PDE1C: variants seen among roughly 807,000 people sequenced by gnomAD.
The protein encoded by PDE1C is phosphodiesterase 1C, also known as dual specificity calcium/calmodulin-dependent 3',5'-cyclic nucleotide phosphodiesterase 1C.
A neutral mutation model predicts 93.1 loss-of-function variants in PDE1C; 62 were observed. That is an observed-to-expected ratio of 0.67 (90% CI 0.54 to 0.82). The LOEUF is 0.82. Ranked by LOEUF, PDE1C falls within the 40% of genes least tolerant of loss-of-function variation. The pLI is 0.00. For synonymous variants in PDE1C, 325 were observed against 310.1 expected, an observed-to-expected ratio of 1.05 and a Z score of -0.50; for missense variants, 742 against 884.6, an observed-to-expected ratio of 0.84 and a Z score of 2.04.
the PDE1C span, among the ~76,000 whole-genome samples, chr7:31,721,433 GTTTAA>G: frequency 1.3e-5 from 2 of 152,116 alleles, no homozygotes; most frequent in Non-Finnish European, 1.5e-5. Flanking sequence ...GGAACTAAAG[GTTTAA>G]TTTATTTAAT....
intron 2 of PDE1C, among the ~76,000 whole-genome samples, chr7:32,182,310 T>C (rs1803501418): frequency 6.6e-6 from 1 of 152,334 alleles, no homozygotes; most frequent in East Asian, 1.9e-4. Context: ...GAAGCCAGCA[T>C]TATCCTGATA....
intron 1 of PDE1C, among the ~76,000 whole-genome samples, chr7:32,343,001 A>G (rs1243239470): frequency 6.6e-6 from 1 of 152,200 alleles, no homozygotes; most frequent in African/African-American, 2.4e-5. Flanking sequence ...CTCAGTTGGT[A>G]CAGGCATTTC....
intron 2 of PDE1C, among the ~76,000 whole-genome samples, chr7:31,895,990 C>CA (rs1353527772): frequency 4.3e-5 from 6 of 140,918 alleles, no homozygotes; most frequent in African/African-American, 1.3e-4. Context: ...TACACTCTCC[C>CA]TTACATACAT....
rs1459062444 is a variant in PDE1C, at chr7:31,872,999, C to A, written c.609+293G>T. ...GTCATGTGGAAATGAGACCTTTGGG[C>A]AGAGCCTGAAAGGGAGCTTGGTTAT... On this transcript the variant is annotated intron_variant, in intron 6 of 17. Transcript: ENST00000396191. Among the ~76,000 whole-genome samples, 4 of 152,100 alleles carry A rather than the reference C, an allele frequency of 2.6e-5. No individual in the cohort carries two copies. In the East Asian group the frequency reaches 7.7e-4, roughly 29 times the overall value.
intron 1 of PDE1C, among the ~76,000 whole-genome samples, chr7:32,305,723 G>A (rs188704188): frequency 6.6e-6 from 1 of 152,178 alleles, no homozygotes; most frequent in East Asian, 1.9e-4. Context: ...CATTCCTTGG[G>A]CCCAACTCAC....
chr7:32,101,879 C>T (rs1342062125), intron 3 of PDE1C, among the ~76,000 whole-genome samples: 3 of 152,054 alleles, frequency 2.0e-5, no homozygotes, highest in East Asian at 1.9e-4. Context: ...AGGAAAGTTA[C>T]AATCATGATG....
Position 31,782,240 on chromosome 7 carries a change from C to A in PDE1C, c.1892-6508G>T, listed in dbSNP as rs148135968. 4.5e-3 allele frequency among the ~76,000 whole-genome samples: 670 copies of A among 150,168 alleles called. 2 individuals carry two copies. The highest frequency in any genetic ancestry group is 0.016 in the African/African-American group (645 of 41,194). On this transcript the variant is annotated intron_variant, in intron 16 of 17. Transcript: ENST00000396191. Reference sequence around the variant, plus strand: ...AAAAACACTCACAAGAAAATGCTTACAATCCAATGTTGTGTGAACAAACCA... The same window carrying A: ...AAAAACACTCACAAGAAAATGCTTAAAATCCAATGTTGTGTGAACAAACCA...
Position 31,880,134 on chromosome 7 carries a change from T to C in PDE1C, c.242+613A>G, listed in dbSNP as rs576962756. Among the ~76,000 whole-genome samples the C allele has an allele frequency of 1.7e-3, 251 of 152,004 alleles. 2 individuals carry two copies. Among genetic ancestry groups the C allele is most frequent in the Admixed American group, 2.8e-3 (43 of 15,290 alleles). The stretch of plus-strand genomic sequence containing the variant: ...ATACTGACAGAGAAGCCTGTCTAAA[T>C]TAGGGGGAAAAAAAACCACACCTTT... On this transcript the variant is annotated intron_variant, in intron 3 of 17. Coordinates refer to ENST00000396191, the MANE Select transcript of PDE1C (RefSeq NM_001191057.4).
intron 3 of PDE1C, among the ~76,000 whole-genome samples, chr7:32,086,067 C>G (rs946385957): frequency 2.6e-5 from 4 of 151,206 alleles, no homozygotes; most frequent in Non-Finnish European, 5.9e-5. Flanking sequence ...TCAAATTGTC[C>G]CTGTTTGCAG....
chr7:32,275,978 TTTAA>T (rs1343923559), intron 1 of PDE1C, among the ~76,000 whole-genome samples: 1 of 152,240 alleles, frequency 6.6e-6, no homozygotes, highest in Non-Finnish European at 1.5e-5. Context: ...GTTGGCATAC[TTTAA>T]TTATGAACTG....
chr7:31,891,852 A>G (rs1298003938), intron 2 of PDE1C, among the ~76,000 whole-genome samples: 3 of 151,734 alleles, frequency 2.0e-5, no homozygotes, highest in East Asian at 1.9e-4. Flanking sequence ...GAGTACAATA[A>G]AACTGGAGGG....
Position 31,824,965 on chromosome 7 carries a change from T to A in PDE1C, c.1308A>T (p.Glu436Asp). The A allele has an allele frequency of 6.2e-7, 1 of 1,613,212 alleles. No homozygotes were observed. Among genetic ancestry groups the A allele is most frequent in the South Asian group, 1.1e-5 (1 of 91,044 alleles). The change falls in exon 13 of 18, where the codon GAA becomes GAT. Residue 436 changes from glutamate (E) to aspartate (D), a missense_variant. Physicochemically the swap from Glu to Asp is conservative, Grantham distance 45 (BLOSUM62 2). Around this residue, in one of 4 missense-constraint regions of PDE1C, gnomAD observed 454 missense variants for 459.4 expected, o/e 0.99. Transcript: ENST00000396191. ...TGTCCGTAAGCACAGTGAAGGTGGG[T>A]TCCACGATGAAATCAATGAAACCTG... ...SQVGFIDFIV[E>D]PTFTVLTDMT...
chr7:32,402,969 G>C (rs1296740090), intron 1 of PDE1C, among the ~76,000 whole-genome samples: 1 of 152,166 alleles, frequency 6.6e-6, no homozygotes, highest in African/African-American at 2.4e-5. Context: ...GTTAGTGTGT[G>C]CCCTGCCTGT....
At chr7:32,166,707 T>C (rs975502685) in intron 3 of PDE1C, among the ~76,000 whole-genome samples, 1 of 152,206 alleles carries the variant, frequency 6.6e-6, no homozygotes, top group African/African-American at 2.4e-5. Context: ...TCTGGCATTA[T>C]TAGTAACTGA....
intron 2 of PDE1C, among the ~76,000 whole-genome samples, chr7:32,180,797 T>G (rs1056242608): frequency 6.6e-6 from 1 of 152,240 alleles, no homozygotes; most frequent in Admixed American, 6.5e-5. Flanking sequence ...CTATGTGGAA[T>G]TGTAATATAA....
At chr7:32,087,291 C>A (rs1797154609) in intron 3 of PDE1C, among the ~76,000 whole-genome samples, 1 of 151,244 alleles carries the variant, frequency 6.6e-6, no homozygotes, top group Non-Finnish European at 1.5e-5. Context: ...CAAATCAAAA[C>A]CACAATGAGA....
At chr7:32,129,026 C>T (rs1360722231) in intron 3 of PDE1C, among the ~76,000 whole-genome samples, 1 of 138,912 alleles carries the variant, frequency 7.2e-6, no homozygotes, top group Non-Finnish European at 1.6e-5. Flanking sequence ...GTTTATAAAA[C>T]AATATAATTT....
chr7:32,248,292 T>TAGAGTGG (rs1204400867), intron 1 of PDE1C, among the ~76,000 whole-genome samples: 2 of 152,034 alleles, frequency 1.3e-5, no homozygotes, highest in Non-Finnish European at 2.9e-5. Context: ...GGAAAGAATT[T>TAGAGTGG]AGAGTGGAGG....
chr7:32,136,016 A>ATC (rs1199558358), intron 3 of PDE1C, among the ~76,000 whole-genome samples: 1 of 152,234 alleles, frequency 6.6e-6, no homozygotes, highest in Non-Finnish European at 1.5e-5. Context: ...AATAAGCCAG[A>ATC]TGTAGAAATA....
Sources: allele counts gnomAD v4.1 joint callset (sites outside exome capture counted in the v4.1 genomes callset), GRCh38; gene constraint gnomAD v4.1.1; regional missense constraint gnomAD v4.1.1; transcripts MANE v1.5; gene names NCBI Gene and HGNC (gene_info 2026-07-23, HGNC 2026-07-21).